CALD1: variants seen among roughly 807,000 people sequenced by gnomAD.
CALD1 encodes caldesmon.
Under a neutral mutation model 99.9 loss-of-function variants are expected in CALD1, and 33 were observed. The observed-to-expected ratio is 0.33, with a 90% CI of 0.25 to 0.44. The LOEUF (loss-of-function observed/expected upper bound fraction) is 0.44, where lower values mean the gene tolerates loss of function less well. Among genes scored for constraint, CALD1 ranks in the 20% least tolerant of loss-of-function variants. The pLI, the probability that CALD1 is intolerant of heterozygous loss-of-function variation, is 1.00. For synonymous variants in CALD1, 310 were observed against 325.0 expected (o/e 0.95, Z 0.50); for missense variants, 861 against 962.1 (o/e 0.89, Z 1.39).
At chr7:134,958,010 G>T in intron 9 of CALD1, 59 bp from the exon 10 acceptor site, 1 of 1,305,920 alleles carries the variant, frequency 7.7e-7, no homozygotes. Context: ...CCTGGGCTGA[G>T]AAACACTGTT....
chr7:134,816,009 C>T (rs1798547830), intron 1 of CALD1, among the ~76,000 whole-genome samples: 1 of 152,170 alleles, frequency 6.6e-6, no homozygotes, highest in South Asian at 2.1e-4. Context: ...CTTGTCTCCT[C>T]TTAACTAGAT....
At chr7:134,756,327 A>T (rs1228426274) in intron 1 of CALD1, among the ~76,000 whole-genome samples, 4 of 136,486 alleles carry the variant, frequency 2.9e-5, no homozygotes, top group Non-Finnish European at 6.1e-5. Flanking sequence ...TAAAAAATTC[A>T]AAAATTAAAT....
chr7:134,734,489 C>T, the CALD1 span, among the ~76,000 whole-genome samples: 2 of 152,174 alleles, frequency 1.3e-5, no homozygotes, highest in Non-Finnish European at 1.5e-5. Context: ...ATAAGGAGTT[C>T]GTGCCACTTC....
At chr7:134,713,124 G>A in the CALD1 span, among the ~76,000 whole-genome samples, 2 of 152,164 alleles carry the variant, frequency 1.3e-5, no homozygotes, top group Non-Finnish European at 2.9e-5. Context: ...TAACTAGTCA[G>A]CATCAGGAAA....
At chr7:134,770,959 C>A (rs1166440394) in intron 1 of CALD1, among the ~76,000 whole-genome samples, 2 of 152,202 alleles carry the variant, frequency 1.3e-5, no homozygotes, top group African/African-American at 2.4e-5. Flanking sequence ...AATCGGGTAA[C>A]AATAACCCAA....
At chr7:134,734,467 G>C in the CALD1 span, among the ~76,000 whole-genome samples, 12 of 152,206 alleles carry the variant, frequency 7.9e-5, no homozygotes, top group African/African-American at 2.9e-4. Flanking sequence ...TCTGCGAAAA[G>C]AGTGTAAGTG....
At chr7:134,932,719 T>TAA (rs1805615432) in intron 4 of CALD1, among the ~76,000 whole-genome samples, 1 of 152,196 alleles carries the variant, frequency 6.6e-6, no homozygotes, top group Non-Finnish European at 1.5e-5. Context: ...ACTCAGGCTA[T>TAA]CAATTTTTGT....
At chr7:134,841,549 G>C (rs1387098517) in intron 1 of CALD1, among the ~76,000 whole-genome samples, 1 of 152,104 alleles carries the variant, frequency 6.6e-6, no homozygotes, top group African/African-American at 2.4e-5. Context: ...TCTAATGTAT[G>C]AAAGGAGCTC....
At chr7:134,846,668 C>T (rs373116956) in intron 2 of CALD1, among the ~76,000 whole-genome samples, 2 of 152,184 alleles carry the variant, frequency 1.3e-5, no homozygotes, top group African/African-American at 4.8e-5. Flanking sequence ...CCTTGAGCTT[C>T]AGGGTGATTT....
At chr7:134,827,660 A>G (rs1333754153) in intron 1 of CALD1, among the ~76,000 whole-genome samples, 2 of 152,360 alleles carry the variant, frequency 1.3e-5, no homozygotes, top group Middle Eastern at 3.4e-3. Flanking sequence ...ACCATATCAC[A>G]TCACATGATA....
chr7:134,818,292 T>C (rs1000443014), intron 1 of CALD1, among the ~76,000 whole-genome samples: 3 of 152,224 alleles, frequency 2.0e-5, no homozygotes, highest in African/African-American at 2.4e-5. Context: ...TCTGATAATA[T>C]GTAGAATAGA....
intron 9 of CALD1, among the ~76,000 whole-genome samples, chr7:134,954,266 A>C (rs1807598046): frequency 6.6e-6 from 1 of 152,210 alleles, no homozygotes; most frequent in Non-Finnish European, 1.5e-5. Context: ...TTTTAAGTAA[A>C]TTAAATTCAA....
chr7:134,858,285 T>G (rs1431273980), intron 2 of CALD1, among the ~76,000 whole-genome samples: 2 of 152,116 alleles, frequency 1.3e-5, no homozygotes, highest in African/African-American at 4.8e-5. Context: ...TCAGCTTCTT[T>G]TGTATTTGCC....
At chr7:134,778,179 CA>C (rs1796959389), upstream of CALD1, among the ~76,000 whole-genome samples, 2 of 152,068 alleles carry the variant, frequency 1.3e-5, no homozygotes, top group Admixed American at 1.3e-4. Flanking sequence ...GCAACCTTCC[CA>C]AAAAAGAGAT....
At chr7:134,761,391 T>C (rs752255842) in intron 1 of CALD1, among the ~76,000 whole-genome samples, 4 of 152,172 alleles carry the variant, frequency 2.6e-5, no homozygotes, top group African/African-American at 9.7e-5. Flanking sequence ...CACTGCTCCA[T>C]AATCTACTGA....
intron 1 of CALD1, among the ~76,000 whole-genome samples, chr7:134,780,304 A>T (rs1404137299): frequency 6.6e-6 from 1 of 152,194 alleles, no homozygotes; most frequent in Non-Finnish European, 1.5e-5. Context: ...TCAGAGATGG[A>T]GAGATCACTA....
At position 134,929,440 on chromosome 7, in the gene CALD1, C is replaced by T. The variant is rs78042044; in HGVS notation, c.218+540C>T. Among the ~76,000 whole-genome samples the T allele has an allele frequency of 3.7e-3, 561 of 151,142 alleles. 2 individuals carry two copies. Among genetic ancestry groups the T allele is most frequent in the Non-Finnish European group, 6.0e-3 (407 of 67,770 alleles). On this transcript the variant is annotated intron_variant, in intron 4 of 14. Coordinates refer to ENST00000361675, the MANE Select transcript of CALD1 (RefSeq NM_033138.4). ...CCCCAGTGTCCATTATATCACTTTT[C>T]TACCTTTGCATCCTCATAGCTTAGC...
intron 3 of CALD1, among the ~76,000 whole-genome samples, chr7:134,901,941 C>T (rs1404796595): frequency 6.6e-6 from 1 of 152,042 alleles, no homozygotes; most frequent in Non-Finnish European, 1.5e-5. Context: ...AGGTCACATC[C>T]TGAGGTACTG....
the CALD1 span, among the ~76,000 whole-genome samples, chr7:134,725,145 A>G: frequency 6.6e-6 from 1 of 152,198 alleles, no homozygotes; most frequent in South Asian, 2.1e-4. Context: ...CTCAAACACC[A>G]TTCTCCAGGG....
Sources: allele counts gnomAD v4.1 joint callset (sites outside exome capture counted in the v4.1 genomes callset), GRCh38; gene constraint gnomAD v4.1.1; transcripts MANE v1.5; gene names NCBI Gene and HGNC (gene_info 2026-07-23, HGNC 2026-07-21).